Variants in CNOT1 observed in about 807,000 individuals in gnomAD.
CNOT1 encodes CCR4-NOT transcription complex subunit 1, also known as CCR4-associated factor 1.
Under a neutral mutation model 273.8 loss-of-function variants are expected in CNOT1, and 15 were observed. That is an observed-to-expected ratio of 0.05 (90% confidence interval 0.04 to 0.08). The LOEUF is 0.08. Ranked by LOEUF, CNOT1 falls within the 10% of genes least tolerant of loss-of-function variation. The pLI is 1.00. For missense variants in CNOT1, 1,644 were observed against 2,912.2 expected (o/e 0.56, Z 10.02); for synonymous variants, 1,022 against 1,005.5 (o/e 1.02, Z -0.31).
At chr16:58,606,391 A>C (rs377532383) in intron 1 of CNOT1, among the ~76,000 whole-genome samples, 2 of 10,192 alleles carry the variant, frequency 2.0e-4, no homozygotes, top group Non-Finnish European at 2.2e-4. Flanking sequence ...CCCGTCCCTT[A>C]AAAAAACAAA....
intron 16 of CNOT1, among the ~76,000 whole-genome samples, chr16:58,566,768 G>C (rs771030261): frequency 6.6e-6 from 1 of 152,038 alleles, no homozygotes; most frequent in African/African-American, 2.4e-5. Flanking sequence ...CGAGTAGCTG[G>C]GATTACAGGC....
At chr16:58,593,441 C>G (rs574293823) in intron 2 of CNOT1, among the ~76,000 whole-genome samples, 1 of 152,260 alleles carries the variant, frequency 6.6e-6, no homozygotes, top group Admixed American at 6.5e-5. Flanking sequence ...TGCCTGTAAT[C>G]CCAGCTACTT....
In CNOT1 at chr16:58,526,022, G is replaced by A. The variant is rs773429707; in HGVS notation, c.6570C>T (p.Val2190=). 3.1e-6 allele frequency: 5 copies of A among 1,614,086 alleles called. No individual in the cohort carries two copies. Among genetic ancestry groups the A allele is most frequent in the Non-Finnish European group, 4.2e-6 (5 of 1,179,990 alleles). The change falls in exon 45 of 49, where the codon GTC becomes GTT. Residue 2190 remains valine, a synonymous_variant. Coordinates refer to ENST00000317147, the MANE Select transcript of CNOT1 (RefSeq NM_016284.5). ...LDSYLKTRSP[V]TFLSDLRSNL... ...TGCTGCGCAGATCAGACAGGAAAGT[G>A]ACTGGTGATCGAGTTTTAAGATAGG...
At position 58,539,974 on chromosome 16, in the gene CNOT1, G is replaced by T; in HGVS notation, c.4801-15C>A. ...GCCCAAGCTTGCTGTTTTACAGAAG[G>T]AAACAACCAACAAGAGACAAAAGAA... On this transcript the variant is annotated splice_polypyrimidine_tract_variant and intron_variant, in intron 34 of 48. Coordinates refer to ENST00000317147, the MANE Select transcript of CNOT1 (RefSeq NM_016284.5). 1 of 1,593,438 alleles carries T rather than the reference G, an allele frequency of 6.3e-7. No homozygotes were observed. Among genetic ancestry groups the T allele is most frequent in the Admixed American group, 1.8e-5 (1 of 57,108 alleles).
chr16:58,550,703 T>C (rs895255938), intron 24 of CNOT1, among the ~76,000 whole-genome samples: 1 of 152,178 alleles, frequency 6.6e-6, no homozygotes, highest in African/African-American at 2.4e-5. Context: ...TTTGGCTACA[T>C]ACAGGATTGG....
At chr16:58,597,185 C>G (rs2042294343) in intron 2 of CNOT1, among the ~76,000 whole-genome samples, 1 of 151,656 alleles carries the variant, frequency 6.6e-6, no homozygotes, top group South Asian at 2.1e-4. Context: ...CGTGATGGCT[C>G]ATGCCTGTAA....
chr16:58,618,286 T>A (rs2043167587), intron 1 of CNOT1, among the ~76,000 whole-genome samples: 2 of 151,432 alleles, frequency 1.3e-5, no homozygotes, highest in South Asian at 4.2e-4. Flanking sequence ...AAAAAAAAAT[T>A]AATTAAAAAG....
At chr16:58,626,872 C>T (rs1375208868) in intron 1 of CNOT1, among the ~76,000 whole-genome samples, 2 of 151,880 alleles carry the variant, frequency 1.3e-5, no homozygotes, top group Non-Finnish European at 2.9e-5. Context: ...GACAGGGTCT[C>T]ACCATGTTGC....
chr16:58,558,015 GA>G (rs141824233), intron 18 of CNOT1, among the ~76,000 whole-genome samples: 48,071 of 151,448 alleles, frequency 0.32, 9,615 homozygotes, highest in Non-Finnish European at 0.45. Flanking sequence ...ACAAACAAAC[GA>G]AAAAAAACCT....
At position 58,551,554 on chromosome 16, in the gene CNOT1, A is replaced by C; in HGVS notation, c.3201+35T>G. On this transcript the variant is annotated intron_variant, in intron 23 of 48. Transcript: ENST00000317147. Reference sequence around the variant, plus strand: ...CCACTGATTATTACAATATAATCATAAATCCTGGAAGAGAAAAAAGATAGA... The same window carrying C: ...CCACTGATTATTACAATATAATCATCAATCCTGGAAGAGAAAAAAGATAGA... 3 of 1,588,438 alleles carry C rather than the reference A, an allele frequency of 1.9e-6. 1 individual carries two copies. Among genetic ancestry groups the C allele is most frequent in the Middle Eastern group, 1.7e-4 (1 of 5,906 alleles).
chr16:58,595,159 T>A (rs943114852), intron 2 of CNOT1, among the ~76,000 whole-genome samples: 1 of 151,602 alleles, frequency 6.6e-6, no homozygotes, highest in Non-Finnish European at 1.5e-5. Context: ...GGATATTTCA[T>A]TTTTTTAATG....
intron 1 of CNOT1, among the ~76,000 whole-genome samples, chr16:58,609,789 T>C (rs749028525): frequency 6.6e-6 from 1 of 152,006 alleles, no homozygotes; most frequent in South Asian, 2.1e-4. Context: ...AATTTTACTA[T>C]TCTCATTCCT....
At chr16:58,539,466 TACACACACACACACAC>T (rs55998166) in intron 35 of CNOT1, among the ~76,000 whole-genome samples, 1 of 145,578 alleles carries the variant, frequency 6.9e-6, no homozygotes, top group Non-Finnish European at 1.5e-5. Flanking sequence ...CCCTGTCTCT[TACACACACACACACAC>T]ACACACACAC....
intron 1 of CNOT1, among the ~76,000 whole-genome samples, chr16:58,619,890 T>C (rs2043244974): frequency 6.6e-6 from 1 of 152,098 alleles, no homozygotes; most frequent in African/African-American, 2.4e-5. Context: ...ATTCAAGAAA[T>C]TGCCAAGATG....
At chr16:58,588,739 G>A (rs2041957576) in intron 3 of CNOT1, 60 bp downstream of exon 3, 1 of 1,574,484 alleles carries the variant, frequency 6.4e-7, no homozygotes, top group Admixed American at 1.8e-5. Context: ...CATACACTAT[G>A]CCCAAAATTC....
Position 58,547,503 on chromosome 16 carries a change from C to A in CNOT1, c.3639+63G>T. On this transcript the variant is annotated intron_variant, in intron 26 of 48. Coordinates refer to ENST00000317147, the MANE Select transcript of CNOT1 (RefSeq NM_016284.5). The surrounding 1 kb of genome is among the most constrained non-coding windows in gnomAD (Gnocchi z 4.0). ...ATAATCATTAAATAGCTCCAAACAGCCAATACTTGTAATCATAATGTGCTG... is the reference window on the plus strand; with the variant it reads ...ATAATCATTAAATAGCTCCAAACAGACAATACTTGTAATCATAATGTGCTG... 6.4e-7 allele frequency: 1 copy of A among 1,553,828 alleles called. No individual in the cohort carries two copies. Among genetic ancestry groups the A allele is most frequent in the Non-Finnish European group, 8.7e-7 (1 of 1,148,964 alleles).
intron 3 of CNOT1, among the ~76,000 whole-genome samples, chr16:58,588,196 G>A (rs1468290964): frequency 6.6e-6 from 1 of 152,064 alleles, no homozygotes; most frequent in Non-Finnish European, 1.5e-5. Context: ...CTACTTGGGA[G>A]GCTGAGGCAG....
chr16:58,614,108 A>G (rs866012644), intron 1 of CNOT1, among the ~76,000 whole-genome samples: 1,452 of 118,294 alleles, frequency 0.012, 288 homozygotes, highest in African/African-American at 0.039. Context: ...AAAAAAAAAG[A>G]AAAGAAAATT....
intron 16 of CNOT1, 86 bp downstream of exon 16, chr16:58,574,523 T>A (rs1048837358): frequency 5.2e-6 from 7 of 1,348,960 alleles, no homozygotes; most frequent in African/African-American, 1.5e-5. Flanking sequence ...CTGCTGTCAC[T>A]TTCACTGAAC....
Sources: gnomAD v4.1 joint callset for allele counts (sites outside exome capture counted in the v4.1 genomes callset) on GRCh38, gnomAD v4.1.1 for gene constraint, Gnocchi (gnomAD v3.1) non-coding constraint, MANE v1.5 for transcripts, NCBI Gene and HGNC (gene_info 2026-07-23, HGNC 2026-07-21) for gene names.